NAV3: variants seen among roughly 807,000 people sequenced by gnomAD.
NAV3 encodes the protein neuron navigator 3, also known as pore membrane and/or filament interacting like protein 1.
NAV3 carries 87 observed loss-of-function variants against 244.7 expected under a neutral mutation model. The ratio of observed to expected loss-of-function variants is 0.36; its 90% CI spans 0.30 to 0.42. NAV3 has a LOEUF of 0.42. NAV3 is among the 20% of genes least tolerant of loss of function. NAV3 has a pLI of 1.00. For missense variants in NAV3, 2,663 were observed against 2,893.3 expected (o/e 0.92, Z 1.83); for synonymous variants, 1,126 against 1,042.2 (o/e 1.08, Z -1.55).
chr12:78,000,499 ATTTTTTTTTTTTT>A (rs1202996900), intron 7 of NAV3, among the ~76,000 whole-genome samples: 4 of 103,300 alleles, frequency 3.9e-5, no homozygotes, highest in African/African-American at 1.4e-4. Context: ...CACTTAAAAC[ATTTTTTTTTTTTT>A]TTTTTTTTTG....
chr12:78,177,443 G>C, intron 27 of NAV3, 130 bp downstream of exon 27: 1 of 1,175,916 alleles, frequency 8.5e-7, no homozygotes, highest in Non-Finnish European at 1.2e-6. Flanking sequence ...GACAGCATTA[G>C]TTTCTCTTTT....
intron 12 of NAV3, among the ~76,000 whole-genome samples, chr12:78,093,444 G>A (rs976943764): frequency 1.3e-5 from 2 of 152,198 alleles, no homozygotes; most frequent in African/African-American, 4.8e-5. Context: ...GGAACATTTT[G>A]ATCTCTGGTT....
intron 1 of NAV3, among the ~76,000 whole-genome samples, chr12:77,933,034 C>A (rs1888963770): frequency 6.6e-6 from 1 of 152,104 alleles, no homozygotes. Flanking sequence ...CTTCTGTAAC[C>A]TTCATAGTTA....
At chr12:77,789,602 G>A (rs1047254241) in intron 2 of NAV3, among the ~76,000 whole-genome samples, 1 of 151,722 alleles carries the variant, frequency 6.6e-6, no homozygotes, top group African/African-American at 2.4e-5. Context: ...CTGAGGTCAG[G>A]AGTTCAAGAC....
At chr12:77,956,241 T>C (rs1891346480) in intron 3 of NAV3, among the ~76,000 whole-genome samples, 1 of 151,460 alleles carries the variant, frequency 6.6e-6, no homozygotes, top group East Asian at 1.9e-4. Context: ...TGAAAATTTA[T>C]TAATTTAATT....
chr12:78,187,128 A>AT (rs774877506), intron 31 of NAV3, among the ~76,000 whole-genome samples: 1 of 151,874 alleles, frequency 6.6e-6, no homozygotes, highest in Non-Finnish European at 1.5e-5. Flanking sequence ...AAAAATCACA[A>AT]TTGTCAGCTG....
intron 1 of NAV3, among the ~76,000 whole-genome samples, chr12:77,895,309 T>TTGTGTGTGTGTGTG (rs71440496): frequency 0.019 from 2,814 of 148,508 alleles, 92 homozygotes; most frequent in African/African-American, 0.063. Flanking sequence ...TTTAGAATGA[T>TTGTGTGTGTGTGTG]TGTGTGTGTG....
At chr12:77,763,911 T>C (rs142939124) in intron 2 of NAV3, among the ~76,000 whole-genome samples, 274 of 152,232 alleles carry the variant, frequency 1.8e-3, no homozygotes, top group African/African-American at 6.3e-3. Context: ...GGTCCAGCTA[T>C]CAGAGAGGGA....
At chr12:78,059,732 A>G (rs1485890514) in intron 12 of NAV3, among the ~76,000 whole-genome samples, 1 of 152,194 alleles carries the variant, frequency 6.6e-6, no homozygotes, top group Non-Finnish European at 1.5e-5. Context: ...TAAAAGCAGA[A>G]TTATAAACAT....
At chr12:77,693,774 C>T (rs1320508785) in intron 2 of NAV3, among the ~76,000 whole-genome samples, 1 of 152,072 alleles carries the variant, frequency 6.6e-6, no homozygotes, top group Admixed American at 6.6e-5. Context: ...CTGCTCTGGA[C>T]TTTCACTCTT....
chr12:77,866,534 C>T (rs1351515768), intron 1 of NAV3, among the ~76,000 whole-genome samples: 2 of 152,154 alleles, frequency 1.3e-5, no homozygotes, highest in African/African-American at 4.8e-5. Flanking sequence ...CCAAACATTT[C>T]CTCCTATCCC....
At chr12:78,001,223 G>C (rs1873240844) in intron 7 of NAV3, among the ~76,000 whole-genome samples, 1 of 152,068 alleles carries the variant, frequency 6.6e-6, no homozygotes, top group African/African-American at 2.4e-5. Flanking sequence ...ATAGAACTCA[G>C]AAAGTACTAA....
At chr12:77,648,989 A>G (rs564912422) in intron 2 of NAV3, among the ~76,000 whole-genome samples, 40 of 152,208 alleles carry the variant, frequency 2.6e-4, no homozygotes, top group Non-Finnish European at 5.1e-4. Context: ...GTCTTAGGAG[A>G]TCTGCTGTAA....
chr12:78,209,080 C>A (rs1960630007), intron 39 of NAV3, among the ~76,000 whole-genome samples: 1 of 152,048 alleles, frequency 6.6e-6, no homozygotes, highest in Admixed American at 6.6e-5. Context: ...ATTTCATAAC[C>A]TTATGTAGCT....
intron 2 of NAV3, among the ~76,000 whole-genome samples, chr12:77,677,988 A>T (rs893014317): frequency 5.3e-5 from 8 of 151,934 alleles, no homozygotes; most frequent in Non-Finnish European, 1.0e-4. Flanking sequence ...CAACTTTAAG[A>T]CTCTTAAATA....
chr12:77,704,843 T>G (rs1283918837), intron 2 of NAV3, among the ~76,000 whole-genome samples: 2 of 152,200 alleles, frequency 1.3e-5, no homozygotes, highest in Non-Finnish European at 2.9e-5. Context: ...TCCAATTACT[T>G]CAAAGGCCCT....
intron 2 of NAV3, among the ~76,000 whole-genome samples, chr12:77,791,325 G>C (rs1403517971): frequency 7.1e-6 from 1 of 141,796 alleles, no homozygotes; most frequent in Non-Finnish European, 1.5e-5. Context: ...TTGCACTCCA[G>C]CCTGGGTGAC....
In NAV3 at chr12:78,212,681, A is replaced by G. The variant is rs1348296595; in HGVS notation, c.*2164A>G. On this transcript the variant is annotated 3_prime_UTR_variant, in exon 40 of 40. Coordinates refer to ENST00000397909, the MANE Select transcript of NAV3 (RefSeq NM_001024383.2). The stretch of plus-strand genomic sequence containing the variant: ...CATGAGCATAAACAGAATTTCCTGC[A>G]ATACATCCCAGTAGGTCCACCTAGT... The G allele has an allele frequency of 1.3e-5, 2 of 152,638 alleles. No individual in the cohort carries two copies. The highest frequency in any genetic ancestry group is 2.9e-5 in the Non-Finnish European group (2 of 68,044). The allele number at this position is 152,638 out of a possible 1,614,324, so 9.5% of individuals were successfully genotyped here. A position where few individuals can be genotyped will look rare whatever the true frequency, so the allele number is the denominator to read the frequency against.
intron 1 of NAV3, among the ~76,000 whole-genome samples, chr12:77,876,183 C>T (rs890346064): frequency 1.3e-5 from 2 of 151,940 alleles, no homozygotes. Context: ...ATGAAATTTA[C>T]ACCTGATCAC....
Sources: allele counts gnomAD v4.1 joint callset (sites outside exome capture counted in the v4.1 genomes callset), GRCh38; gene constraint gnomAD v4.1.1; transcripts MANE v1.5; gene names NCBI Gene and HGNC (gene_info 2026-07-23, HGNC 2026-07-21).